STX6: variants seen among roughly 807,000 people sequenced by gnomAD.
The protein encoded by STX6 is syntaxin 6, also known as syntaxin-6.
Under a neutral mutation model 38.0 loss-of-function variants are expected in STX6, and 23 were observed. The ratio of observed to expected loss-of-function variants is 0.60; its 90% CI spans 0.43 to 0.86. The LOEUF is 0.86. STX6 is among the 40% of genes least tolerant of loss of function. STX6 has a pLI of 0.00. For synonymous variants in STX6, 123 were observed against 107.5 expected (o/e 1.14, Z -0.89); for missense variants, 274 against 312.9 (o/e 0.88, Z 0.94).
chr1:180,990,560 G>GT (rs1553264525), intron 4 of STX6, among the ~76,000 whole-genome samples: 1 of 151,748 alleles, frequency 6.6e-6, no homozygotes, highest in East Asian at 1.9e-4. Context: ...TTGGTGGGGG[G>GT]AAAGGGAGAG....
intron 6 of STX6, 72 bp from the exon 7 acceptor site, chr1:180,984,843 A>C: frequency 1.6e-6 from 1 of 639,032 alleles, no homozygotes; most frequent in Non-Finnish European, 2.9e-6. Context: ...CTGGGTTAAA[A>C]GGACCAGGCC....
intron 2 of STX6, among the ~76,000 whole-genome samples, chr1:181,003,929 C>T (rs980173573): frequency 2.6e-5 from 4 of 152,304 alleles, no homozygotes; most frequent in South Asian, 4.1e-4. Flanking sequence ...CTTCAATGGA[C>T]GGTAGCACTG....
chr1:181,017,392 C>CA (rs1310851750), intron 1 of STX6, among the ~76,000 whole-genome samples: 4 of 151,790 alleles, frequency 2.6e-5, no homozygotes, highest in Admixed American at 6.6e-5. Flanking sequence ...GACTCCGTCT[C>CA]AAAAAAACAA....
intron 6 of STX6, 149 bp from the exon 7 acceptor site, chr1:180,984,920 G>A: frequency 2.1e-6 from 1 of 474,030 alleles, no homozygotes. Flanking sequence ...CAAAATCCTT[G>A]GGACAAGATA....
rs891992072 is a variant in STX6 at position 181,022,831 on chromosome 1, G to A, written c.-158C>T. ...GCGCACAGGCCAGGTGCACAGGACG[G>A]CCGCTGGTCCAGCACTCGCTCAGCA... On this transcript the variant is annotated 5_prime_UTR_variant, in exon 1 of 8. Coordinates refer to ENST00000258301, the MANE Select transcript of STX6 (RefSeq NM_005819.6). The A allele has an allele frequency of 5.9e-6, 4 of 677,070 alleles. No individual in the cohort carries two copies. Among genetic ancestry groups the A allele is most frequent in the East Asian group, 2.9e-5 (1 of 34,288 alleles). The allele number at this position is 677,070 out of a possible 1,614,324, so 41.9% of individuals were successfully genotyped here. A position where few individuals can be genotyped will look rare whatever the true frequency, so the allele number is the denominator to read the frequency against.
chr1:181,003,133 C>A (rs976605834), intron 2 of STX6, among the ~76,000 whole-genome samples: 1 of 152,220 alleles, frequency 6.6e-6, no homozygotes, highest in Non-Finnish European at 1.5e-5. Flanking sequence ...CTAGAGAGAT[C>A]GGGCCTTCTT....
At position 180,988,239 on chromosome 1, in the gene STX6, A is replaced by G; in HGVS notation, c.596T>C (p.Val199Ala). 6.2e-7 allele frequency: 1 copy of G among 1,612,482 alleles called. No homozygotes were observed. Among genetic ancestry groups the G allele is most frequent in the African/African-American group, 1.3e-5 (1 of 74,964 alleles). The change falls in exon 6 of 8, where the codon GTT becomes GCT. Residue 199 changes from valine to alanine, a missense_variant and splice_region_variant. Coordinates refer to ENST00000258301, the MANE Select transcript of STX6 (RefSeq NM_005819.6). ...GCGAGAGGGGTGTCTCAATACTCAC[A>G]CTGCCTGTTCCTCCAGCTCCCCTCC... is the stretch of plus-strand genomic sequence containing the variant. The part of the protein sequence containing the change: ...RIGGELEEQA[V>A]MLEDFSHELE...
rs535926796 is a variant in STX6 at position 181,017,301 on chromosome 1, G to A, written c.35+5338C>T. On this transcript the variant is annotated intron_variant, in intron 1 of 7. Transcript: ENST00000258301. Reference sequence around the variant, plus strand: ...CCAGCTACTCAGGAGGCTGAGGCAGGAGAATGGCGTGAACCCGGGAGGCGG... The same window carrying A: ...CCAGCTACTCAGGAGGCTGAGGCAGAAGAATGGCGTGAACCCGGGAGGCGG... 9.5e-3 allele frequency among the ~76,000 whole-genome samples: 1,449 copies of A among 151,764 alleles called. 21 individuals are homozygous for A. Among genetic ancestry groups the A allele is most frequent in the African/African-American group, 0.034 (1,392 of 41,348 alleles).
rs1655194542 is a variant in STX6 at position 180,974,349 on chromosome 1, A to G, written c.*2221T>C. ...TAGCTTCAGCCTGAGTCAGGTCTAC[A>G]ATGGCCACTATTTAGAAAATAATTT... On this transcript the variant is annotated 3_prime_UTR_variant, in exon 8 of 8. Coordinates refer to ENST00000258301, the MANE Select transcript of STX6 (RefSeq NM_005819.6). 1 of 152,334 alleles carries G rather than the reference A, an allele frequency of 6.6e-6. No individual in the cohort carries two copies. Among genetic ancestry groups the G allele is most frequent in the Non-Finnish European group, 1.5e-5 (1 of 68,046 alleles). 9.4% of individuals were successfully genotyped at this position (152,334 alleles called of 1,614,324 possible).
At chr1:180,978,348 G>A (rs1233115266) in intron 7 of STX6, among the ~76,000 whole-genome samples, 3 of 152,306 alleles carry the variant, frequency 2.0e-5, no homozygotes, top group Admixed American at 1.3e-4. Context: ...AGAAACCCAC[G>A]AAGCAACAAA....
At chr1:180,982,279 C>T (rs1437395229) in intron 7 of STX6, among the ~76,000 whole-genome samples, 1 of 152,104 alleles carries the variant, frequency 6.6e-6, no homozygotes, top group Non-Finnish European at 1.5e-5. Flanking sequence ...GAGACGAATA[C>T]AAATTGCTTG....
intron 5 of STX6, 57 bp from the exon 6 acceptor site, chr1:180,988,402 C>T: frequency 7.3e-7 from 1 of 1,362,140 alleles, no homozygotes; most frequent in Non-Finnish European, 1.0e-6. Flanking sequence ...TGGTTCCAAG[C>T]CCAGCACTCT....
intron 1 of STX6, among the ~76,000 whole-genome samples, chr1:181,010,332 C>T (rs1007432024): frequency 2.0e-5 from 3 of 152,008 alleles, no homozygotes; most frequent in African/African-American, 7.2e-5. Flanking sequence ...GACAGAATCT[C>T]ACTCTGTCAC....
intron 7 of STX6, among the ~76,000 whole-genome samples, chr1:180,984,250 A>G (rs2102304117): frequency 1.3e-5 from 2 of 151,830 alleles, no homozygotes; most frequent in African/African-American, 4.8e-5. Flanking sequence ...AAAATGTGCC[A>G]TAAGAAAGGG....
Position 180,974,303 on chromosome 1 carries a change from C to A in STX6, c.*2267G>T, listed in dbSNP as rs1655193704. ...TAGAATGCACTGTATTGTTAGTTAACTTTCTAAATTGTTCTCTATTTAGCT... is the reference window on the plus strand; with the variant it reads ...TAGAATGCACTGTATTGTTAGTTAAATTTCTAAATTGTTCTCTATTTAGCT... On this transcript the variant is annotated 3_prime_UTR_variant, in exon 8 of 8. Transcript: ENST00000258301. The A allele has an allele frequency of 1.3e-5, 2 of 152,226 alleles. No individual in the cohort carries two copies. 9.4% of individuals were successfully genotyped at this position (152,226 alleles called of 1,614,324 possible).
intron 1 of STX6, among the ~76,000 whole-genome samples, chr1:181,015,767 C>T (rs1293177681): frequency 1.3e-5 from 2 of 151,372 alleles, no homozygotes; most frequent in Non-Finnish European, 2.9e-5. Context: ...TCAAGCAATT[C>T]TCCTGCCTCA....
intron 7 of STX6, among the ~76,000 whole-genome samples, chr1:180,978,590 A>G (rs181616867): frequency 1.3e-5 from 2 of 152,342 alleles, no homozygotes; most frequent in Non-Finnish European, 1.5e-5. Flanking sequence ...GAGGGGAAAA[A>G]GAATCACTAC....
intron 1 of STX6, among the ~76,000 whole-genome samples, chr1:181,014,621 G>C (rs1656503757): frequency 6.6e-6 from 1 of 152,094 alleles, no homozygotes; most frequent in Non-Finnish European, 1.5e-5. Context: ...CAGGTTGAGT[G>C]AGCCTCTGCA....
intron 7 of STX6, among the ~76,000 whole-genome samples, chr1:180,981,482 C>A (rs1276765590): frequency 6.6e-6 from 1 of 152,126 alleles, no homozygotes; most frequent in African/African-American, 2.4e-5. Context: ...TCACACACTC[C>A]TATGTTTACC....
Sources: allele counts gnomAD v4.1 joint callset (sites outside exome capture counted in the v4.1 genomes callset), GRCh38; gene constraint gnomAD v4.1.1; transcripts MANE v1.5; gene names NCBI Gene and HGNC (gene_info 2026-07-23, HGNC 2026-07-21).